The following ZNF420 variants were observed in gnomAD, a reference collection of about 807,000 sequenced individuals.
ZNF420 encodes the protein zinc finger protein 420.
In ZNF420, 31 loss-of-function variants were observed where a neutral mutation model predicts 44.7. That is an observed-to-expected ratio of 0.69 (90% CI 0.52 to 0.94). ZNF420 has a LOEUF of 0.94. Among genes scored for constraint, ZNF420 ranks in the 40% least tolerant of loss-of-function variants. The probability of loss-of-function intolerance (pLI) is 0.00; values close to 1 mark genes in which losing one functional copy is unlikely to be tolerated. For synonymous variants in ZNF420, 245 were observed against 267.4 expected (o/e 0.92, Z 0.82); for missense variants, 681 against 827.9 (o/e 0.82, Z 2.18).
chr19:37,111,992 A>C (rs1407430665), intron 4 of ZNF420, among the ~76,000 whole-genome samples: 1 of 152,034 alleles, frequency 6.6e-6, no homozygotes, highest in Non-Finnish European at 1.5e-5. Context: ...GAGAATTCCA[A>C]GGCGAGAATG....
intron 1 of ZNF420, among the ~76,000 whole-genome samples, chr19:37,045,092 A>G (rs1340773655): frequency 6.6e-6 from 1 of 152,192 alleles, no homozygotes; most frequent in Non-Finnish European, 1.5e-5. Flanking sequence ...GTTTCTTTTC[A>G]TGATACTGCT....
chr19:37,087,812 A>AT (rs987535555), intron 2 of ZNF420, among the ~76,000 whole-genome samples: 18 of 151,952 alleles, frequency 1.2e-4, no homozygotes, highest in East Asian at 5.8e-4. Context: ...CACCCGGCTA[A>AT]TTTTTTTTAT....
At chr19:37,042,852 G>T (rs1235399133) in intron 1 of ZNF420, among the ~76,000 whole-genome samples, 1 of 152,190 alleles carries the variant, frequency 6.6e-6, no homozygotes, top group Non-Finnish European at 1.5e-5. Flanking sequence ...GGTGTTGAGT[G>T]AAAGTGAAAG....
chr19:37,044,083 CT>C (rs1967503724), intron 1 of ZNF420, among the ~76,000 whole-genome samples: 1 of 152,160 alleles, frequency 6.6e-6, no homozygotes, highest in African/African-American at 2.4e-5. Context: ...CTGGTCAGAC[CT>C]TTGTCCAGGT....
intron 1 of ZNF420, among the ~76,000 whole-genome samples, chr19:37,071,776 G>A (rs1330196619): frequency 2.6e-5 from 4 of 151,448 alleles, no homozygotes; most frequent in African/African-American, 4.9e-5. Flanking sequence ...ACTCCAGCCT[G>A]GGCAACAGAG....
chr19:37,011,365 G>A (rs998051753), intron 1 of ZNF420, among the ~76,000 whole-genome samples: 1 of 152,200 alleles, frequency 6.6e-6, no homozygotes, highest in African/African-American at 2.4e-5. Context: ...TGGCTTCTAG[G>A]AAAGGCGGTG....
At chr19:37,054,271 C>G (rs186268475) in intron 1 of ZNF420, among the ~76,000 whole-genome samples, 12 of 152,328 alleles carry the variant, frequency 7.9e-5, no homozygotes, top group Middle Eastern at 6.8e-3. Context: ...TTTTCTTTGA[C>G]TAGGAAAGGG....
chr19:37,086,326 C>T (rs1212237217), intron 2 of ZNF420, among the ~76,000 whole-genome samples: 2 of 152,114 alleles, frequency 1.3e-5, no homozygotes, highest in Non-Finnish European at 2.9e-5. Context: ...CAGTGGAGTA[C>T]TCAGCGCTTT....
intron 1 of ZNF420, among the ~76,000 whole-genome samples, chr19:37,054,797 A>G (rs1967711109): frequency 2.0e-5 from 3 of 152,272 alleles, no homozygotes; most frequent in Admixed American, 2.0e-4. Context: ...GAGTTTCTTG[A>G]TTCTTCTCAG....
intron 1 of ZNF420, among the ~76,000 whole-genome samples, chr19:37,072,868 T>C (rs1471247729): frequency 7.5e-6 from 1 of 132,792 alleles, no homozygotes; most frequent in Non-Finnish European, 1.5e-5. Context: ...TTTTAAATAT[T>C]ATGAACATTT....
intron 1 of ZNF420, among the ~76,000 whole-genome samples, chr19:37,049,059 T>C (rs1967593257): frequency 6.6e-6 from 1 of 151,602 alleles, no homozygotes; most frequent in Non-Finnish European, 1.5e-5. Flanking sequence ...TCATTTTTTA[T>C]GGCTGCATAG....
chr19:37,041,375 T>G lies in ZNF420; in HGVS notation c.-125+33293T>G, dbSNP rs182805569. On this transcript the variant is annotated intron_variant, in intron 1 of 4. Transcript: ENST00000587029. The stretch of plus-strand genomic sequence containing the variant: ...TTATATACCCAATTTTGCTTTAATC[T>G]TTCTGCTGTTTTCGTAATAAAAGCC... 1.8e-3 allele frequency among the ~76,000 whole-genome samples: 275 copies of G among 152,228 alleles called. 4 individuals are homozygous for G. Among genetic ancestry groups the G allele is most frequent in the Non-Finnish European group, 1.0e-3 (71 of 68,020 alleles).
intron 1 of ZNF420, among the ~76,000 whole-genome samples, chr19:37,066,915 A>T (rs1259684884): frequency 6.6e-6 from 1 of 152,242 alleles, no homozygotes; most frequent in Non-Finnish European, 1.5e-5. Flanking sequence ...GAATATGAAT[A>T]AACTGTGATA....
At chr19:37,048,152 G>A (rs1243896782) in intron 1 of ZNF420, among the ~76,000 whole-genome samples, 1 of 97,974 alleles carries the variant, frequency 1.0e-5, no homozygotes, top group African/African-American at 6.1e-5. Context: ...GCTCTGTGGT[G>A]CAAGAGCAGA....
At chr19:37,070,481 C>A (rs1968041019) in intron 1 of ZNF420, among the ~76,000 whole-genome samples, 1 of 152,040 alleles carries the variant, frequency 6.6e-6, no homozygotes, top group African/African-American at 2.4e-5. Context: ...TAAACAAAGA[C>A]AAGCTATAAA....
In ZNF420 at chr19:37,020,297, G is replaced by A. The variant is rs1045616798; in HGVS notation, c.-125+12215G>A. The stretch of plus-strand genomic sequence containing the variant: ...CCAAAAACACAACATAATGGCTAAT[G>A]TCAGCATGACCATAAAGGACAAATG... On this transcript the variant is annotated intron_variant, in intron 1 of 4. Coordinates refer to the ZNF420 transcript ENST00000587029. Among the ~76,000 whole-genome samples the A allele has an allele frequency of 2.0e-5, 3 of 149,610 alleles. No individual in the cohort carries two copies. The South Asian group carries it at 6.4e-4, about 32-fold the overall frequency.
At chr19:37,073,784 A>G (rs1024267395), upstream of ZNF420, among the ~76,000 whole-genome samples, 3 of 151,842 alleles carry the variant, frequency 2.0e-5, no homozygotes, top group Middle Eastern at 6.8e-3. Context: ...AAAGAAAGAA[A>G]GAAAAAGGAA....
At chr19:37,046,470 GTAAA>G (rs2146417290) in intron 1 of ZNF420, among the ~76,000 whole-genome samples, 1 of 152,256 alleles carries the variant, frequency 6.6e-6, no homozygotes, top group African/African-American at 2.4e-5. Context: ...AGGAGAATGG[GTAAA>G]TAAATTATAC....
intron 1 of ZNF420, among the ~76,000 whole-genome samples, chr19:37,045,930 CTG>C (rs948707191): frequency 9.2e-5 from 14 of 152,204 alleles, no homozygotes; most frequent in African/African-American, 3.1e-4. Flanking sequence ...TGATGCATAA[CTG>C]TAGGTGAAAG....
Sources: allele counts gnomAD v4.1 joint callset (sites outside exome capture counted in the v4.1 genomes callset), GRCh38; gene constraint gnomAD v4.1.1; transcripts MANE v1.5; gene names NCBI Gene and HGNC (gene_info 2026-07-23, HGNC 2026-07-21).